CDH18: variants seen among roughly 807,000 people sequenced by gnomAD.
CDH18 encodes the protein cadherin-18.
A neutral mutation model predicts 67.9 loss-of-function variants in CDH18; 31 were observed. The observed-to-expected ratio is 0.46, with a 90% CI of 0.34 to 0.62. CDH18 has a LOEUF of 0.62. CDH18 is among the 20% of genes least tolerant of loss of function. CDH18 has a pLI of 0.01. For missense variants in CDH18, 890 were observed against 975.5 expected (o/e 0.91, Z 1.17); for synonymous variants, 362 against 347.2 (o/e 1.04, Z -0.48).
chr5:19,602,045 G>A (rs1747224568), intron 6 of CDH18, among the ~76,000 whole-genome samples: 1 of 152,090 alleles, frequency 6.6e-6, no homozygotes, highest in Non-Finnish European at 1.5e-5. Context: ...AGGAACAAAA[G>A]AGGATGCCTA....
chr5:19,756,757 T>C (rs775145012), intron 3 of CDH18, among the ~76,000 whole-genome samples: 23 of 152,202 alleles, frequency 1.5e-4, no homozygotes, highest in Non-Finnish European at 2.8e-4. Context: ...TTCCTCCCTC[T>C]GGAACTAAGG....
intron 4 of CDH18, among the ~76,000 whole-genome samples, chr5:19,723,269 CAA>C (rs1230051093): frequency 7.2e-6 from 1 of 138,568 alleles, no homozygotes; most frequent in African/African-American, 2.7e-5. Flanking sequence ...AACTCTGTCT[CAA>C]AAAAAAAAAG....
intron 2 of CDH18, among the ~76,000 whole-genome samples, chr5:20,225,614 G>C (rs568809349): frequency 1.3e-5 from 2 of 152,200 alleles, no homozygotes; most frequent in Admixed American, 1.3e-4. Flanking sequence ...AGAGTGGTGA[G>C]CATGAAGAAA....
At chr5:19,817,680 C>T (rs1408024701) in intron 3 of CDH18, among the ~76,000 whole-genome samples, 1 of 152,050 alleles carries the variant, frequency 6.6e-6, no homozygotes, top group Non-Finnish European at 1.5e-5. Flanking sequence ...GATCATTCTA[C>T]TAGGCAGGCA....
chr5:20,441,047 T>G (rs1749565286), intron 1 of CDH18, among the ~76,000 whole-genome samples: 1 of 151,864 alleles, frequency 6.6e-6, no homozygotes, highest in Non-Finnish European at 1.5e-5. Context: ...TATCATAAGA[T>G]TTCACCATGC....
At chr5:19,767,674 G>A (rs1773265935) in intron 3 of CDH18, among the ~76,000 whole-genome samples, 3 of 152,038 alleles carry the variant, frequency 2.0e-5, no homozygotes, top group South Asian at 2.1e-4. Context: ...CAATATTGTA[G>A]ACATCTACCA....
chr5:20,561,570 C>T (rs150878471), intron 1 of CDH18, among the ~76,000 whole-genome samples: 4 of 152,028 alleles, frequency 2.6e-5, no homozygotes, highest in Admixed American at 2.0e-4. Flanking sequence ...AAAAAAAGAT[C>T]AGTAGTTGCC....
chr5:20,120,086 A>G (rs940679221), intron 2 of CDH18, among the ~76,000 whole-genome samples: 1 of 152,126 alleles, frequency 6.6e-6, no homozygotes, highest in Non-Finnish European at 1.5e-5. Flanking sequence ...AAGACTTCCT[A>G]CTTTGAATGG....
At chr5:20,558,754 A>G (rs1351798316) in intron 1 of CDH18, among the ~76,000 whole-genome samples, 2 of 151,982 alleles carry the variant, frequency 1.3e-5, no homozygotes, top group Non-Finnish European at 2.9e-5. Flanking sequence ...TATAGAGGTA[A>G]AGTTTAGGTC....
chr5:20,119,152 C>T (rs1159793343), intron 2 of CDH18, among the ~76,000 whole-genome samples: 2 of 152,086 alleles, frequency 1.3e-5, no homozygotes, highest in African/African-American at 2.4e-5. Flanking sequence ...CCATGAAATA[C>T]TTAAATATTG....
At chr5:19,590,975 GGATTATT>G in intron 7 of CDH18, 75 bp downstream of exon 7, 1 of 729,286 alleles carries the variant, frequency 1.4e-6, no homozygotes, top group Non-Finnish European at 2.3e-6. Flanking sequence ...CTGACAGCGT[GGATTATT>G]CATGCCTCTG....
At chr5:19,569,932 C>T (rs1206514676) in intron 8 of CDH18, among the ~76,000 whole-genome samples, 1 of 151,706 alleles carries the variant, frequency 6.6e-6, no homozygotes, top group African/African-American at 2.4e-5. Context: ...AATGGTTGCA[C>T]TTCCTGTTTT....
chr5:19,559,569 G>T (rs977816844), intron 8 of CDH18, among the ~76,000 whole-genome samples: 2 of 151,252 alleles, frequency 1.3e-5, no homozygotes, highest in Admixed American at 6.6e-5. Context: ...AGCCAACAGG[G>T]TAAAGTTAAA....
At chr5:20,530,092 C>A (rs908984176) in intron 1 of CDH18, among the ~76,000 whole-genome samples, 1 of 151,726 alleles carries the variant, frequency 6.6e-6, no homozygotes, top group African/African-American at 2.4e-5. Flanking sequence ...TTTATACCAA[C>A]AAGAGACAAG....
intron 5 of CDH18, among the ~76,000 whole-genome samples, chr5:19,699,955 C>G (rs1580939945): frequency 1.3e-5 from 2 of 152,192 alleles, no homozygotes. Flanking sequence ...ACCTATGTAA[C>G]AAAAGTGTAC....
intron 1 of CDH18, among the ~76,000 whole-genome samples, chr5:20,403,974 A>G (rs943678690): frequency 2.0e-5 from 3 of 152,196 alleles, no homozygotes; most frequent in African/African-American, 7.2e-5. Flanking sequence ...TCTTAGCTGA[A>G]TCTTCTGGAT....
At chr5:19,976,532 T>C (rs1262407722) in intron 2 of CDH18, among the ~76,000 whole-genome samples, 2 of 152,146 alleles carry the variant, frequency 1.3e-5, no homozygotes, top group African/African-American at 4.8e-5. Context: ...TTAGTCTTAC[T>C]GAGGGGTTTC....
intron 1 of CDH18, among the ~76,000 whole-genome samples, chr5:20,545,935 A>G (rs1039869073): frequency 6.6e-6 from 1 of 152,106 alleles, no homozygotes; most frequent in African/African-American, 2.4e-5. Flanking sequence ...ATTTCAAACC[A>G]TCTCTTTGTG....
chr5:19,942,570 C>A (rs1008860090), intron 2 of CDH18, among the ~76,000 whole-genome samples: 9 of 152,290 alleles, frequency 5.9e-5, no homozygotes, highest in African/African-American at 7.2e-5. Context: ...GGTTTTCAAT[C>A]TGCCATTTTT....
Sources: allele counts gnomAD v4.1 joint callset (sites outside exome capture counted in the v4.1 genomes callset), GRCh38; gene constraint gnomAD v4.1.1; transcripts MANE v1.5; gene names NCBI Gene and HGNC (gene_info 2026-07-23, HGNC 2026-07-21).